DCAF8L2: variants seen among roughly 807,000 people sequenced by gnomAD.
DCAF8L2 encodes DDB1- and CUL4-associated factor 8-like protein 2.
For synonymous variants in DCAF8L2, 200 were observed against 190.9 expected (o/e 1.05, Z -0.39); for missense variants, 430 against 490.7 (o/e 0.88, Z 1.17).
chrX:27,634,847 T>C (rs1036993817), intron 2 of DCAF8L2, among the ~76,000 whole-genome samples: 1 of 110,543 alleles, frequency 9.0e-6, no homozygotes, highest in Non-Finnish European at 1.9e-5. Context: ...TGGAATACGG[T>C]CCCATCCCCA....
intron 3 of DCAF8L2, among the ~76,000 whole-genome samples, chrX:27,694,601 C>A (rs1161981322): frequency 1.8e-5 from 2 of 110,676 alleles, no homozygotes; most frequent in African/African-American, 6.6e-5. Context: ...TAACTACTGC[C>A]AAGTTAACAT....
chrX:27,485,532 A>G, the DCAF8L2 span, among the ~76,000 whole-genome samples: 1 of 111,779 alleles, frequency 8.9e-6, no homozygotes, highest in Admixed American at 9.6e-5. Context: ...ATAATAAAGT[A>G]AAAATACTTC....
chrX:27,742,536 T>C (rs1419533024), intron 4 of DCAF8L2, among the ~76,000 whole-genome samples: 3 of 105,304 alleles, frequency 2.8e-5, no homozygotes, highest in African/African-American at 7.1e-5. Context: ...GCCACTGCAC[T>C]CCAGCCTGGG....
intron 1 of DCAF8L2, among the ~76,000 whole-genome samples, chrX:27,591,747 C>T (rs1455657519): frequency 1.8e-5 from 2 of 111,558 alleles, no homozygotes; most frequent in African/African-American, 6.5e-5. Flanking sequence ...TGTATCATAC[C>T]GTAGTGATGC....
At chrX:27,502,356 AT>A in the DCAF8L2 span, among the ~76,000 whole-genome samples, 2 of 63,328 alleles carry the variant, frequency 3.2e-5, 1 homozygote, top group African/African-American at 1.0e-4. Context: ...ATATATATAT[AT>A]ATATATATAT....
the DCAF8L2 span, among the ~76,000 whole-genome samples, chrX:27,502,313 T>A: frequency 3.4e-5 from 1 of 29,782 alleles, no homozygotes; most frequent in Non-Finnish European, 5.7e-5. Flanking sequence ...AGAGTGAAAC[T>A]CTGTAAAAAA....
At chrX:27,573,713 C>T in the DCAF8L2 span, among the ~76,000 whole-genome samples, 5 of 111,312 alleles carry the variant, frequency 4.5e-5, no homozygotes, top group East Asian at 2.8e-4. Context: ...TGGAAAGGAC[C>T]CCAGTCACTG....
At chrX:27,544,079 T>G in the DCAF8L2 span, among the ~76,000 whole-genome samples, 6 of 111,556 alleles carry the variant, frequency 5.4e-5, no homozygotes, top group Non-Finnish European at 1.1e-4. Flanking sequence ...TCTGGCACTT[T>G]TAAAAGCCTG....
Position 27,598,970 on chromosome X carries a change from A to ATAT in DCAF8L2, c.-342+8530_-342+8531insTAT, listed in dbSNP as rs1454052658. Among the ~76,000 whole-genome samples, 357 of 82,231 alleles carry ATAT rather than the reference A, an allele frequency of 4.3e-3. 2 individuals carry two copies. Among genetic ancestry groups the ATAT allele is most frequent in the African/African-American group, 0.015 (338 of 22,187 alleles). 71.4% of individuals were successfully genotyped at this position (82,231 alleles called of 115,157 possible). A position where few individuals can be genotyped will look rare whatever the true frequency, so the allele number is the denominator to read the frequency against. ...GATAGGAAAGTTTCTCAAAAAAAAAAAAAAATATATATATATATATATGAT... is the reference window on the plus strand; with the variant it reads ...GATAGGAAAGTTTCTCAAAAAAAAAATATAAAAATATATATATATATATATGAT... On this transcript the variant is annotated intron_variant, in intron 1 of 4. Transcript: ENST00000451261.
chrX:27,671,283 CCTT>C (rs1157803852), intron 2 of DCAF8L2, among the ~76,000 whole-genome samples: 1 of 111,922 alleles, frequency 8.9e-6, no homozygotes, highest in African/African-American at 3.3e-5. Context: ...AAAAAATAAA[CCTT>C]CTGATTTTTC....
At chrX:27,532,570 C>T in the DCAF8L2 span, among the ~76,000 whole-genome samples, 5 of 110,445 alleles carry the variant, frequency 4.5e-5, no homozygotes, top group South Asian at 1.2e-3. Flanking sequence ...CATAGCAGCA[C>T]TTGTTTCTGT....
intron 1 of DCAF8L2, among the ~76,000 whole-genome samples, chrX:27,612,458 C>T (rs753947549): frequency 8.9e-6 from 1 of 111,968 alleles, no homozygotes; most frequent in Admixed American, 9.5e-5. Context: ...AATTAGATCC[C>T]ATTTGCCTAT....
At chrX:27,640,803 G>GA (rs1355467334) in intron 2 of DCAF8L2, among the ~76,000 whole-genome samples, 2 of 109,690 alleles carry the variant, frequency 1.8e-5, no homozygotes, top group South Asian at 7.5e-4. Context: ...TATTTTACAA[G>GA]AAAAAATAAA....
At chrX:27,564,939 A>G in the DCAF8L2 span, among the ~76,000 whole-genome samples, 2 of 109,740 alleles carry the variant, frequency 1.8e-5, no homozygotes, top group Admixed American at 2.0e-4. Context: ...TCAGCATCCC[A>G]AAGTACTGGG....
At chrX:27,567,546 CATATATATATATAT>C in the DCAF8L2 span, among the ~76,000 whole-genome samples, 40 of 29,624 alleles carry the variant, frequency 1.4e-3, no homozygotes, top group South Asian at 2.7e-3. Flanking sequence ...ACCACTGTAG[CATATATATATATAT>C]ATATATATAT....
the DCAF8L2 span, among the ~76,000 whole-genome samples, chrX:27,521,073 G>A: frequency 3.6e-5 from 4 of 111,967 alleles, no homozygotes; most frequent in South Asian, 1.1e-3. Context: ...AACGATAATT[G>A]TAAACTTTAT....
chrX:27,505,808 T>C, the DCAF8L2 span, among the ~76,000 whole-genome samples: 1 of 112,246 alleles, frequency 8.9e-6, no homozygotes, highest in Non-Finnish European at 1.9e-5. Flanking sequence ...AATGGCCATG[T>C]TGTGAGATGC....
At chrX:27,647,912 A>G (rs914042511) in intron 2 of DCAF8L2, among the ~76,000 whole-genome samples, 1 of 111,784 alleles carries the variant, frequency 8.9e-6, no homozygotes, top group Non-Finnish European at 1.9e-5. Context: ...ATGAGTTCCT[A>G]TTTTTTGCTA....
chrX:27,514,668 CAAAAAAAAAAAAA>C, the DCAF8L2 span, among the ~76,000 whole-genome samples: 2 of 2,527 alleles, frequency 7.9e-4, no homozygotes, highest in African/African-American at 1.2e-3. Context: ...GACTCCGTCT[CAAAAAAAAAAAAA>C]AAAAAAAAAA....
Sources: gnomAD v4.1 joint callset for allele counts (sites outside exome capture counted in the v4.1 genomes callset) on GRCh38, gnomAD v4.1.1 for gene constraint, MANE v1.5 for transcripts, NCBI Gene and HGNC (gene_info 2026-07-23, HGNC 2026-07-21) for gene names.